TACR1: variants seen among roughly 807,000 people sequenced by gnomAD.
TACR1 encodes tachykinin receptor 1, also known as substance-P receptor.
Under a neutral mutation model 35.8 loss-of-function variants are expected in TACR1, and 25 were observed. That is an observed-to-expected ratio of 0.70 (90% CI 0.51 to 0.98). The LOEUF (loss-of-function observed/expected upper bound fraction) is 0.98. TACR1 is among the 50% of genes least tolerant of loss of function. The pLI, the probability that TACR1 is intolerant of heterozygous loss-of-function variation, is 0.00. For synonymous variants in TACR1, 195 were observed against 206.7 expected (o/e 0.94, Z 0.48); for missense variants, 478 against 522.9 (o/e 0.91, Z 0.84).
chr2:75,191,557 G>A (rs537393401), intron 1 of TACR1, among the ~76,000 whole-genome samples: 10 of 152,148 alleles, frequency 6.6e-5, no homozygotes, highest in Non-Finnish European at 1.3e-4. Flanking sequence ...GGGTGGCAAG[G>A]TGTGGGTCAG....
intron 1 of TACR1, chr2:75,154,515 C>CACACACACAA (rs1353650961): frequency 2.1e-4 from 31 of 145,332 alleles, no homozygotes; most frequent in African/African-American, 7.8e-4. Context: ...CACACACACA[C>CACACACACAA]ACACACACAC....
intron 2 of TACR1, among the ~76,000 whole-genome samples, chr2:75,100,105 C>T (rs777487718): frequency 6.6e-6 from 1 of 152,138 alleles, no homozygotes; most frequent in Non-Finnish European, 1.5e-5. Context: ...ACATCACACA[C>T]TCCACATAGC....
At position 75,075,816 on chromosome 2, in the gene TACR1, G is replaced by T. The variant is rs79845666; in HGVS notation, c.585-22061C>A. The stretch of plus-strand genomic sequence containing the variant: ...CAGAAGAAGATATTTTAAGCTAGAA[G>T]TAAATATGTTAACATCAGACAAATG... On this transcript the variant is annotated intron_variant, in intron 2 of 4. Transcript: ENST00000305249. Among the ~76,000 whole-genome samples the T allele has an allele frequency of 3.5e-3, 532 of 152,336 alleles. 9 individuals are homozygous for T. Among genetic ancestry groups the T allele is most frequent in the African/African-American group, 0.012 (509 of 41,588 alleles).
intron 1 of TACR1, among the ~76,000 whole-genome samples, chr2:75,172,435 G>GA (rs1238645623): frequency 6.6e-6 from 1 of 152,074 alleles, no homozygotes; most frequent in African/African-American, 2.4e-5. Flanking sequence ...AGGAATATGA[G>GA]AAAAAAAGTT....
chr2:75,075,192 G>A (rs550503859), intron 2 of TACR1, among the ~76,000 whole-genome samples: 14 of 152,252 alleles, frequency 9.2e-5, no homozygotes, highest in Admixed American at 5.9e-4. Context: ...TTTCCTCAGG[G>A]ATATACAGAT....
intron 1 of TACR1, among the ~76,000 whole-genome samples, chr2:75,142,724 C>T (rs961534929): frequency 6.6e-6 from 1 of 152,008 alleles, no homozygotes; most frequent in African/African-American, 2.4e-5. Context: ...GGGAAGGTTA[C>T]CAGAGGAGAG....
At chr2:75,124,693 G>A (rs1257064535) in intron 1 of TACR1, among the ~76,000 whole-genome samples, 2 of 152,204 alleles carry the variant, frequency 1.3e-5, no homozygotes, top group Admixed American at 6.5e-5. Flanking sequence ...AGACAGCAAA[G>A]AAACTATTGG....
chr2:75,164,925 G>T (rs1169246238), intron 1 of TACR1, among the ~76,000 whole-genome samples: 1 of 152,214 alleles, frequency 6.6e-6, no homozygotes, highest in Non-Finnish European at 1.5e-5. Context: ...AAGGCATGAA[G>T]TTGGATCCAT....
intron 2 of TACR1, among the ~76,000 whole-genome samples, chr2:75,093,039 G>A (rs922809525): frequency 2.0e-5 from 3 of 152,116 alleles, no homozygotes; most frequent in Admixed American, 6.5e-5. Context: ...TTAATCATCC[G>A]CCAGTGGGAG....
chr2:75,066,927 A>G (rs980699319), intron 2 of TACR1, among the ~76,000 whole-genome samples: 4 of 152,224 alleles, frequency 2.6e-5, no homozygotes, highest in African/African-American at 7.2e-5. Context: ...AAGGCATCCA[A>G]AGAGAATCTA....
chr2:75,054,559 T>C (rs1672535703), intron 2 of TACR1, among the ~76,000 whole-genome samples: 1 of 152,180 alleles, frequency 6.6e-6, no homozygotes, highest in Non-Finnish European at 1.5e-5. Context: ...CACTGAGATA[T>C]TGAGGTTTGT....
At chr2:75,165,710 C>G (rs553436515) in intron 1 of TACR1, among the ~76,000 whole-genome samples, 3 of 152,148 alleles carry the variant, frequency 2.0e-5, no homozygotes, top group Non-Finnish European at 4.4e-5. Context: ...AAATATGGTG[C>G]GCCCAGGCTA....
intron 1 of TACR1, among the ~76,000 whole-genome samples, chr2:75,176,600 T>A (rs942634934): frequency 6.6e-6 from 1 of 152,172 alleles, no homozygotes; most frequent in African/African-American, 2.4e-5. Context: ...CCGCTAGCCA[T>A]CTGAGACTCT....
chr2:75,052,451 C>T (rs890014731), intron 3 of TACR1, among the ~76,000 whole-genome samples: 3 of 151,972 alleles, frequency 2.0e-5, no homozygotes, highest in Non-Finnish European at 2.9e-5. Context: ...AGACACCATG[C>T]GATGTAACCC....
intron 1 of TACR1, among the ~76,000 whole-genome samples, chr2:75,162,043 C>CAAAAAAAAAAAAAAAAAAAAA (rs35438025): frequency 1.1e-5 from 1 of 94,188 alleles, no homozygotes. Context: ...TTGACTCTTC[C>CAAAAAAAAAAAAAAAAAAAAA]AAAAAAAAAA....
intron 2 of TACR1, among the ~76,000 whole-genome samples, chr2:75,075,268 C>T (rs1404925023): frequency 1.3e-5 from 2 of 152,168 alleles, no homozygotes; most frequent in Non-Finnish European, 2.9e-5. Flanking sequence ...TCTGACAATA[C>T]CAGGTGTTGG....
chr2:75,149,387 T>A (rs752697915), intron 1 of TACR1, among the ~76,000 whole-genome samples: 6 of 152,202 alleles, frequency 3.9e-5, no homozygotes, highest in Non-Finnish European at 7.3e-5. Flanking sequence ...GGGATGTTTT[T>A]CCATTTGTTT....
At position 75,164,479 on chromosome 2, in the gene TACR1, G is replaced by A. The variant is rs371247056; in HGVS notation, c.389+34067C>T. Among the ~76,000 whole-genome samples, 58 of 152,202 alleles carry A rather than the reference G, an allele frequency of 3.8e-4. 1 individual carries two copies. The highest frequency in any genetic ancestry group is 1.1e-3 in the African/African-American group (44 of 41,532). On this transcript the variant is annotated intron_variant, in intron 1 of 4. Coordinates refer to ENST00000305249, the MANE Select transcript of TACR1 (RefSeq NM_001058.4). The stretch of plus-strand genomic sequence containing the variant: ...CAATAATGAAAATTGAACGCAGTAC[G>A]TGAAATAGATAATTTTCTGGCAAAA...
chr2:75,117,888 A>G (rs1011088036), intron 2 of TACR1, among the ~76,000 whole-genome samples: 1 of 152,246 alleles, frequency 6.6e-6, no homozygotes, highest in African/African-American at 2.4e-5. Flanking sequence ...TTTATACTGA[A>G]TGCATATCAT....
Sources: gnomAD v4.1 joint callset for allele counts (sites outside exome capture counted in the v4.1 genomes callset) on GRCh38, gnomAD v4.1.1 for gene constraint, MANE v1.5 for transcripts, NCBI Gene and HGNC (gene_info 2026-07-23, HGNC 2026-07-21) for gene names.